The following ATP10A variants were observed in gnomAD, a reference collection of about 807,000 sequenced individuals.
The protein encoded by ATP10A is ATPase phospholipid transporting 10A (putative), also known as phospholipid-transporting ATPase VA.
ATP10A carries 111 observed loss-of-function variants against 147.8 expected under a neutral mutation model. That is an observed-to-expected ratio of 0.75 (90% CI 0.64 to 0.88). ATP10A has a LOEUF of 0.88. Among genes scored for constraint, ATP10A ranks in the 40% least tolerant of loss-of-function variants. The pLI is 0.00. For synonymous variants in ATP10A, 875 were observed against 841.6 expected, an observed-to-expected ratio of 1.04 and a Z score of -0.69; for missense variants, 1,927 against 1,959.0, an observed-to-expected ratio of 0.98 and a Z score of 0.31.
chr15:25,730,019 G>T (rs568261646), intron 3 of ATP10A, among the ~76,000 whole-genome samples: 1 of 151,910 alleles, frequency 6.6e-6, no homozygotes, highest in Non-Finnish European at 1.5e-5. Flanking sequence ...GGCTGGGCGC[G>T]GTGGCTCACA....
chr15:25,701,039 G>A (rs1196754768), intron 13 of ATP10A, among the ~76,000 whole-genome samples: 2 of 152,104 alleles, frequency 1.3e-5, no homozygotes, highest in Admixed American at 1.3e-4. Flanking sequence ...GAAAGGACTG[G>A]GAATGGTGGG....
At chr15:25,759,121 T>A (rs1888613438) in intron 2 of ATP10A, among the ~76,000 whole-genome samples, 1 of 152,236 alleles carries the variant, frequency 6.6e-6, no homozygotes. Context: ...CACTCGCCAT[T>A]GTTCCATCTG....
chr15:25,727,564 G>T (rs999356617), intron 3 of ATP10A, among the ~76,000 whole-genome samples: 3 of 152,168 alleles, frequency 2.0e-5, no homozygotes, highest in Non-Finnish European at 4.4e-5. Flanking sequence ...TCACCACTAG[G>T]AAGGGCAAAC....
intron 14 of ATP10A, among the ~76,000 whole-genome samples, chr15:25,692,351 G>A (rs1324506844): frequency 1.3e-5 from 2 of 152,170 alleles, no homozygotes; most frequent in Non-Finnish European, 2.9e-5. Flanking sequence ...GATAGAAAAT[G>A]TTTAGGAACA....
At chr15:25,780,415 A>T (rs1889858435) in intron 2 of ATP10A, among the ~76,000 whole-genome samples, 2 of 152,138 alleles carry the variant, frequency 1.3e-5, no homozygotes, top group African/African-American at 4.8e-5. Context: ...TGGCATTAGC[A>T]CCTCACACTC....
rs919608891 is a variant in ATP10A, at chr15:25,845,045, C to A, written c.449+17603G>T. 2.0e-5 allele frequency among the ~76,000 whole-genome samples: 3 copies of A among 152,300 alleles called. No individual in the cohort carries two copies. The East Asian group carries it at 5.8e-4, about 29-fold the overall frequency. ...AATACCCGGAGAAAGTGGTTCTCCA[C>A]AAATCCCCCCCAAACACCAGGAGAA... On this transcript the variant is annotated intron_variant, in intron 1 of 20. Coordinates refer to ENST00000555815, the MANE Select transcript of ATP10A (RefSeq NM_024490.4).
intron 1 of ATP10A, among the ~76,000 whole-genome samples, chr15:25,852,640 T>C (rs1893346383): frequency 6.6e-6 from 1 of 152,184 alleles, no homozygotes; most frequent in Admixed American, 6.5e-5. Context: ...GAATTCATAT[T>C]GTGGGAAGAA....
chr15:25,680,113 A>G lies in ATP10A; in HGVS notation c.3866+8T>C. On this transcript the variant is annotated splice_region_variant and intron_variant, in intron 20 of 20. Transcript: ENST00000555815. The stretch of plus-strand genomic sequence containing the variant: ...GGCTCAGAGGCACTATCCCGCTCCG[A>G]CACCCACCTGGGCAGCAGTGCAGCG... The G allele has an allele frequency of 1.9e-6, 3 of 1,612,866 alleles. No homozygotes were observed. Among genetic ancestry groups the G allele is most frequent in the Non-Finnish European group, 2.5e-6 (3 of 1,179,638 alleles).
At chr15:25,756,574 C>T (rs80015433) in intron 2 of ATP10A, among the ~76,000 whole-genome samples, 16,229 of 151,868 alleles carry the variant, frequency 0.11, 1,090 homozygotes, top group East Asian at 0.26. Flanking sequence ...ACCCAGGAGG[C>T]GGAGCTTGCA....
chr15:25,804,311 C>A (rs4556761), intron 1 of ATP10A, among the ~76,000 whole-genome samples: 1 of 148,536 alleles, frequency 6.7e-6, no homozygotes, highest in Non-Finnish European at 1.5e-5. Flanking sequence ...TCGTGTGTGT[C>A]TAATTGTGCT....
At chr15:25,739,408 C>T (rs1887463013) in intron 2 of ATP10A, among the ~76,000 whole-genome samples, 1 of 152,148 alleles carries the variant, frequency 6.6e-6, no homozygotes, top group African/African-American at 2.4e-5. Flanking sequence ...AAATCAGGAG[C>T]GAGCCCGGGG....
rs1902244372 is a variant in ATP10A, at chr15:25,721,741, C to T, written c.1279G>A (p.Asp427Asn). 1 of 1,614,058 alleles carries T rather than the reference C, an allele frequency of 6.2e-7. No individual in the cohort carries two copies. Among genetic ancestry groups the T allele is most frequent in the Non-Finnish European group, 8.5e-7 (1 of 1,180,054 alleles). ...TTCTCTGTCAAAGTGCCAGTTTTAT[C>T]TGAGAAAATGTACTGTATCTGTCCT... The part of the protein sequence containing the change: ...DLGQIQYIFS[D>N]KTGTLTENKM... The change falls in exon 7 of 21, where the codon GAT becomes AAT. Residue 427 changes from aspartate (D) to asparagine (N), a missense_variant. Transcript: ENST00000555815.
In ATP10A at chr15:25,692,514, G is replaced by A. The variant is rs889065380; in HGVS notation, c.3089-723C>T. 3.9e-5 allele frequency among the ~76,000 whole-genome samples: 6 copies of A among 152,146 alleles called. No homozygotes were observed. In the East Asian group the frequency reaches 9.6e-4, roughly 24 times the overall value. On this transcript the variant is annotated intron_variant, in intron 14 of 20. Transcript: ENST00000555815. ...CCAAGTTGCACAAATGAGAAAAGGT[G>A]CAGATACACAAAGTTAGAATGACTT...
chr15:25,716,143 T>C (rs1366777237), intron 9 of ATP10A, among the ~76,000 whole-genome samples: 1 of 152,214 alleles, frequency 6.6e-6, no homozygotes, highest in African/African-American at 2.4e-5. Flanking sequence ...CGATGCCCCA[T>C]AAATCCTCCC....
chr15:25,808,957 G>A (rs1891313442), intron 1 of ATP10A, among the ~76,000 whole-genome samples: 1 of 152,168 alleles, frequency 6.6e-6, no homozygotes, highest in South Asian at 2.1e-4. Context: ...AGTTGGGAGG[G>A]TGTGATGCTC....
intron 9 of ATP10A, among the ~76,000 whole-genome samples, chr15:25,716,446 C>A (rs542326504): frequency 1.3e-5 from 2 of 152,324 alleles, no homozygotes; most frequent in Admixed American, 6.5e-5. Flanking sequence ...TCTGGCTGCC[C>A]TGTGTCCCTC....
In ATP10A at chr15:25,723,877, C is replaced by T. The variant is rs548442317; in HGVS notation, c.1110+14G>A. 4.4e-6 allele frequency: 7 copies of T among 1,577,418 alleles called. No individual in the cohort carries two copies. Among genetic ancestry groups the T allele is most frequent in the East Asian group, 2.3e-5 (1 of 43,878 alleles). The stretch of plus-strand genomic sequence containing the variant: ...AAAGTAAAGCAATTATTGTACGATA[C>T]TTAGTATTGTTACCTGCAGAACTAT... On this transcript the variant is annotated intron_variant, in intron 6 of 20. Transcript: ENST00000555815.
At chr15:25,769,089 C>T (rs138115277) in intron 2 of ATP10A, among the ~76,000 whole-genome samples, 371 of 152,236 alleles carry the variant, frequency 2.4e-3, no homozygotes, top group African/African-American at 4.5e-3. Context: ...TGCATGCACA[C>T]GCGCTCCAAT....
intron 2 of ATP10A, among the ~76,000 whole-genome samples, chr15:25,747,096 G>T (rs1395815634): frequency 6.6e-6 from 1 of 152,112 alleles, no homozygotes; most frequent in African/African-American, 2.4e-5. Context: ...AGGCCAGCCT[G>T]GCCAATATGA....
Sources: gnomAD v4.1 joint callset for allele counts (sites outside exome capture counted in the v4.1 genomes callset) on GRCh38, gnomAD v4.1.1 for gene constraint, MANE v1.5 for transcripts, NCBI Gene and HGNC (gene_info 2026-07-23, HGNC 2026-07-21) for gene names.